Variants in PTPRG observed in about 807,000 individuals in gnomAD.
PTPRG encodes the protein receptor-type tyrosine-protein phosphatase gamma.
A neutral mutation model predicts 165.3 loss-of-function variants in PTPRG; 102 were observed. The observed-to-expected ratio is 0.62, with a 90% CI of 0.53 to 0.73. PTPRG has a LOEUF of 0.73. Ranked by LOEUF, PTPRG falls within the 30% of genes least tolerant of loss-of-function variation. The pLI is 0.00. For missense variants in PTPRG, 1,866 were observed against 1,861.4 expected, an observed-to-expected ratio of 1.00 and a Z score of -0.05; for synonymous variants, 675 against 669.5, an observed-to-expected ratio of 1.01 and a Z score of -0.13.
intron 2 of PTPRG, among the ~76,000 whole-genome samples, chr3:61,986,254 G>A (rs999026306): frequency 6.6e-6 from 1 of 151,978 alleles, no homozygotes; most frequent in Non-Finnish European, 1.5e-5. Flanking sequence ...TACTGTATGT[G>A]AGCCCCTGTG....
At chr3:61,610,327 C>T (rs1002015676) in intron 1 of PTPRG, among the ~76,000 whole-genome samples, 27 of 152,168 alleles carry the variant, frequency 1.8e-4, no homozygotes, top group African/African-American at 6.3e-4. Flanking sequence ...AGTACTACTA[C>T]TGGCTCTATC....
intron 1 of PTPRG, among the ~76,000 whole-genome samples, chr3:61,636,444 A>G (rs1011399296): frequency 2.6e-5 from 4 of 152,202 alleles, no homozygotes; most frequent in African/African-American, 9.6e-5. Flanking sequence ...TTCACTTAGC[A>G]AAATATTTTC....
intron 2 of PTPRG, among the ~76,000 whole-genome samples, chr3:61,908,074 T>C: frequency 6.8e-6 from 1 of 147,384 alleles, no homozygotes; most frequent in East Asian, 2.0e-4. Flanking sequence ...TGAGTTATGA[T>C]TGTGCCACTG....
intron 5 of PTPRG, among the ~76,000 whole-genome samples, chr3:62,128,702 A>C (rs974135972): frequency 1.3e-5 from 2 of 149,404 alleles, no homozygotes; most frequent in African/African-American, 5.0e-5. Flanking sequence ...AGAATTCCAT[A>C]TTTTCCCCAT....
At chr3:61,855,671 T>A (rs76989645) in intron 2 of PTPRG, among the ~76,000 whole-genome samples, 19 of 139,866 alleles carry the variant, frequency 1.4e-4, no homozygotes, top group East Asian at 1.0e-3. Flanking sequence ...TTTTTTTTTT[T>A]AAAAGCAAAG....
intron 1 of PTPRG, among the ~76,000 whole-genome samples, chr3:61,725,849 T>C (rs1411662283): frequency 6.6e-6 from 1 of 152,118 alleles, no homozygotes; most frequent in Non-Finnish European, 1.5e-5. Flanking sequence ...TCTTATCATC[T>C]GTTTTATTCC....
chr3:61,946,411 A>C (rs1361981123), intron 2 of PTPRG, among the ~76,000 whole-genome samples: 1 of 152,230 alleles, frequency 6.6e-6, no homozygotes, highest in East Asian at 1.9e-4. Context: ...AGAAAGATTT[A>C]ATTTAGAAAT....
In PTPRG at chr3:62,075,914, G is replaced by A. The variant is rs2526429; in HGVS notation, c.520-2249G>A. 9.6e-3 allele frequency among the ~76,000 whole-genome samples: 1,458 copies of A among 152,212 alleles called. 21 individuals carry two copies. Among genetic ancestry groups the A allele is most frequent in the African/African-American group, 0.033 (1,375 of 41,510 alleles). On this transcript the variant is annotated intron_variant, in intron 4 of 29. Coordinates refer to ENST00000474889, the MANE Select transcript of PTPRG (RefSeq NM_002841.4). ...GTAAGGAGTACCATCATTCTAGATGGTTCAGTGGAATCACACTCTTACTAG... is the reference window on the plus strand; with the variant it reads ...GTAAGGAGTACCATCATTCTAGATGATTCAGTGGAATCACACTCTTACTAG...
chr3:61,973,015 G>C (rs1450166444), intron 2 of PTPRG, among the ~76,000 whole-genome samples: 2 of 151,998 alleles, frequency 1.3e-5, no homozygotes, highest in African/African-American at 4.8e-5. Flanking sequence ...GAGGGAGTTA[G>C]GGAGAAAAAT....
At chr3:61,713,726 T>C (rs925457389) in intron 1 of PTPRG, among the ~76,000 whole-genome samples, 1 of 152,212 alleles carries the variant, frequency 6.6e-6, no homozygotes, top group African/African-American at 2.4e-5. Context: ...ATCCTGTGTG[T>C]GGCAGGCAGC....
chr3:61,678,427 C>A (rs952049454), intron 1 of PTPRG, among the ~76,000 whole-genome samples: 7 of 152,150 alleles, frequency 4.6e-5, no homozygotes, highest in Non-Finnish European at 1.0e-4. Flanking sequence ...GCAGGGGAGT[C>A]AAGAATTCGG....
rs891256077 is a variant in PTPRG, at chr3:62,296,687, C to A, written c.*3380C>A. 1 of 150,974 alleles carries A rather than the reference C, an allele frequency of 6.6e-6. No individual in the cohort carries two copies. Among genetic ancestry groups the A allele is most frequent in the African/African-American group, 2.4e-5 (1 of 41,088 alleles). 9.4% of individuals were successfully genotyped at this position (150,974 alleles called of 1,614,324 possible). A position where few individuals can be genotyped will look rare whatever the true frequency, so the allele number is the denominator to read the frequency against. On this transcript the variant is annotated 3_prime_UTR_variant, in exon 30 of 30. Coordinates refer to ENST00000474889, the MANE Select transcript of PTPRG (RefSeq NM_002841.4). The stretch of plus-strand genomic sequence containing the variant: ...TTTAACAGATGTAATTTCACTTAAC[C>A]CTTTGCGCTTTCCCTTAGTTGTCAT...
chr3:62,182,633 G>A lies in PTPRG; in HGVS notation c.1034-8836G>A, dbSNP rs543658441. 7.2e-5 allele frequency among the ~76,000 whole-genome samples: 11 copies of A among 152,250 alleles called. 1 individual carries two copies. In the South Asian group the frequency reaches 1.9e-3, roughly 26 times the overall value. ...AAGGGCCTGACATATGGCCGGTGCCGAATAAATAGTTAACAGTAACTAATT... is the reference window on the plus strand; with the variant it reads ...AAGGGCCTGACATATGGCCGGTGCCAAATAAATAGTTAACAGTAACTAATT... On this transcript the variant is annotated intron_variant, in intron 8 of 29. Transcript: ENST00000474889.
intron 1 of PTPRG, among the ~76,000 whole-genome samples, chr3:61,623,320 A>T (rs1169079222): frequency 6.6e-6 from 1 of 152,208 alleles, no homozygotes; most frequent in Non-Finnish European, 1.5e-5. Context: ...CGAGGTTCTG[A>T]TCTGCATGAC....
chr3:61,949,012 G>C (rs1029024456), intron 2 of PTPRG, among the ~76,000 whole-genome samples: 26 of 144,910 alleles, frequency 1.8e-4, no homozygotes, highest in Admixed American at 8.3e-4. Flanking sequence ...AAGGAAAAGA[G>C]AGAAGGCACT....
At chr3:61,970,571 G>A (rs2040360647) in intron 2 of PTPRG, among the ~76,000 whole-genome samples, 1 of 152,142 alleles carries the variant, frequency 6.6e-6, no homozygotes, top group South Asian at 2.1e-4. Context: ...AAATATGCAA[G>A]GGGAAGAAAC....
chr3:61,747,122 CAA>C (rs34710146), intron 1 of PTPRG, among the ~76,000 whole-genome samples: 5 of 150,448 alleles, frequency 3.3e-5, no homozygotes, highest in Non-Finnish European at 5.9e-5. Context: ...GACCCTGTTT[CAA>C]AAAAAAAACA....
At chr3:61,668,480 T>C (rs1702871814) in intron 1 of PTPRG, among the ~76,000 whole-genome samples, 1 of 152,294 alleles carries the variant, frequency 6.6e-6, no homozygotes, top group East Asian at 1.9e-4. Flanking sequence ...AGCTTCAGAA[T>C]AGAAACTGAC....
chr3:61,940,700 G>T (rs879300755), intron 2 of PTPRG, among the ~76,000 whole-genome samples: 3 of 151,350 alleles, frequency 2.0e-5, no homozygotes, highest in Non-Finnish European at 2.9e-5. Flanking sequence ...GTCTCGCTCT[G>T]TTGGCCAGGC....
Sources: allele counts gnomAD v4.1 joint callset (sites outside exome capture counted in the v4.1 genomes callset), GRCh38; gene constraint gnomAD v4.1.1; transcripts MANE v1.5; gene names NCBI Gene and HGNC (gene_info 2026-07-23, HGNC 2026-07-21).